Variants in PCDH11X observed in about 807,000 individuals in gnomAD.
PCDH11X encodes protocadherin 11 X-linked.
In PCDH11X, 18 loss-of-function variants were observed where a neutral mutation model predicts 53.3. That is an observed-to-expected ratio of 0.34 (90% CI 0.23 to 0.50). The LOEUF (loss-of-function observed/expected upper bound fraction) is 0.50. Ranked by LOEUF, PCDH11X falls within the 20% of genes least tolerant of loss-of-function variation. The pLI is 0.98. For missense variants in PCDH11X, 570 were observed against 1,032.4 expected (o/e 0.55, Z 6.14); for synonymous variants, 279 against 393.3 (o/e 0.71, Z 3.44).
chrX:91,814,264 G>T (rs1270546867), intron 4 of PCDH11X, among the ~76,000 whole-genome samples: 2 of 110,657 alleles, frequency 1.8e-5, no homozygotes, highest in Non-Finnish European at 3.8e-5. Flanking sequence ...AACATTCATT[G>T]TTCAGTTTAA....
intron 6 of PCDH11X, among the ~76,000 whole-genome samples, chrX:91,964,455 C>A (rs1201257841): frequency 9.0e-6 from 1 of 111,046 alleles, no homozygotes; most frequent in Non-Finnish European, 1.9e-5. Context: ...AGCTCTTCAG[C>A]TAGAAAGAAT....
chrX:92,199,636 A>G (rs1210111437), intron 6 of PCDH11X, among the ~76,000 whole-genome samples: 3 of 110,160 alleles, frequency 2.7e-5, no homozygotes, highest in Admixed American at 2.0e-4. Context: ...ATTCTATTAG[A>G]TGATTTCCTG....
At chrX:91,854,081 G>T (rs1358971851) in intron 5 of PCDH11X, among the ~76,000 whole-genome samples, 1 of 111,014 alleles carries the variant, frequency 9.0e-6, no homozygotes, top group Non-Finnish European at 1.9e-5. Flanking sequence ...CCACCCTGTT[G>T]TGTTAGCAAA....
intron 10 of PCDH11X, among the ~76,000 whole-genome samples, chrX:92,483,101 T>C (rs1209020985): frequency 9.0e-6 from 1 of 110,933 alleles, no homozygotes; most frequent in Non-Finnish European, 1.9e-5. Flanking sequence ...AAGGTATTTA[T>C]TAAATTCCCT....
intron 4 of PCDH11X, among the ~76,000 whole-genome samples, chrX:91,825,468 T>G (rs1316237573): frequency 8.9e-6 from 1 of 111,796 alleles, no homozygotes; most frequent in African/African-American, 3.3e-5. Context: ...CTTTCTTTGA[T>G]TAGGAAAGGG....
At chrX:92,148,133 T>TTCCTTCC (rs2065353605) in intron 6 of PCDH11X, among the ~76,000 whole-genome samples, 1 of 5,202 alleles carries the variant, frequency 1.9e-4, no homozygotes, top group Non-Finnish European at 2.8e-4. Flanking sequence ...TTTCTTTCTT[T>TTCCTTCC]TTCCTTCCTT....
chrX:91,845,505 A>T (rs1331400854), intron 5 of PCDH11X, among the ~76,000 whole-genome samples: 2 of 109,133 alleles, frequency 1.8e-5, no homozygotes, highest in East Asian at 5.8e-4. Context: ...ATCAATGTTT[A>T]ATCCTTTGGA....
At chrX:92,460,769 G>A in intron 9 of PCDH11X, 1 of 1,162,708 alleles carries the variant, frequency 8.6e-7, no homozygotes, top group South Asian at 1.8e-5. Flanking sequence ...TGAACATCAA[G>A]GTCAAGCTGG....
intron 8 of PCDH11X, among the ~76,000 whole-genome samples, chrX:92,293,827 C>T (rs2068551201): frequency 1.1e-5 from 1 of 93,734 alleles, no homozygotes; most frequent in Non-Finnish European, 1.9e-5. Context: ...GAAAACCTGA[C>T]GACTGTCATA....
intron 10 of PCDH11X, among the ~76,000 whole-genome samples, chrX:92,532,291 C>A (rs2074571513): frequency 9.0e-6 from 1 of 111,160 alleles, no homozygotes; most frequent in African/African-American, 3.3e-5. Context: ...ATAATGATAT[C>A]TTTATTATTC....
At chrX:91,930,051 C>T (rs1284170048) in intron 6 of PCDH11X, among the ~76,000 whole-genome samples, 2 of 109,448 alleles carry the variant, frequency 1.8e-5, no homozygotes, top group East Asian at 5.8e-4. Context: ...AGCATATATA[C>T]ACGATCTCTC....
At chrX:92,187,801 T>A (rs1056186549) in intron 6 of PCDH11X, among the ~76,000 whole-genome samples, 7 of 112,068 alleles carry the variant, frequency 6.2e-5, no homozygotes, top group Admixed American at 9.6e-5. Flanking sequence ...GTGACTTTTA[T>A]TTGCTCTAAA....
chrX:92,477,980 C>T (rs954741759), intron 10 of PCDH11X, among the ~76,000 whole-genome samples: 3 of 108,952 alleles, frequency 2.8e-5, no homozygotes, highest in African/African-American at 1.0e-4. Context: ...AACATGTAAT[C>T]TCCATGTGTC....
intron 5 of PCDH11X, among the ~76,000 whole-genome samples, chrX:91,840,158 T>C (rs1256839285): frequency 9.0e-6 from 1 of 111,537 alleles, no homozygotes; most frequent in Non-Finnish European, 1.9e-5. Flanking sequence ...CCTTCTTTTC[T>C]CATGGTAGGA....
At chrX:91,857,157 G>T (rs1374184588) in intron 5 of PCDH11X, among the ~76,000 whole-genome samples, 2 of 111,554 alleles carry the variant, frequency 1.8e-5, no homozygotes, top group Non-Finnish European at 1.9e-5. Context: ...AGAAAGGCAG[G>T]TCTTACATGG....
rs780895231 is a variant in PCDH11X at position 92,149,245 on chromosome X, A to C, written c.3034-52130A>C. On this transcript the variant is annotated intron_variant, in intron 6 of 10. Transcript: ENST00000682573. ...AGGCCTGGCATAGCAACTGAATCAGATTTAGAGTGCTAATGTCTATTTTTT... is the reference window on the plus strand; with the variant it reads ...AGGCCTGGCATAGCAACTGAATCAGCTTTAGAGTGCTAATGTCTATTTTTT... Among the ~76,000 whole-genome samples the C allele has an allele frequency of 2.0e-4, 22 of 109,196 alleles. No homozygotes were observed. The East Asian group carries it at 6.1e-3, about 30-fold the overall frequency. The allele number at this position is 109,196 out of a possible 115,157, so 94.8% of individuals were successfully genotyped here.
At chrX:92,207,746 G>C (rs1430596724) in intron 7 of PCDH11X, among the ~76,000 whole-genome samples, 1 of 111,356 alleles carries the variant, frequency 9.0e-6, no homozygotes, top group South Asian at 3.7e-4. Context: ...AAATATCAAT[G>C]GTCACAGCTT....
intron 6 of PCDH11X, among the ~76,000 whole-genome samples, chrX:91,981,084 T>TAC (rs1445881080): frequency 9.6e-6 from 1 of 103,888 alleles, no homozygotes; most frequent in South Asian, 4.1e-4. Context: ...ACTGAATATA[T>TAC]ATATACACTG....
At chrX:92,181,511 G>T (rs1185921356) in intron 6 of PCDH11X, among the ~76,000 whole-genome samples, 1 of 111,745 alleles carries the variant, frequency 8.9e-6, no homozygotes, top group African/African-American at 3.3e-5. Flanking sequence ...AAGACAGTGG[G>T]GAAAATGTCT....
Sources: gnomAD v4.1 joint callset for allele counts (sites outside exome capture counted in the v4.1 genomes callset) on GRCh38, gnomAD v4.1.1 for gene constraint, MANE v1.5 for transcripts, NCBI Gene and HGNC (gene_info 2026-07-23, HGNC 2026-07-21) for gene names.